Variants in B3GALNT2 observed in about 807,000 individuals in gnomAD.
B3GALNT2 encodes beta-1,3-N-acetylgalactosaminyltransferase 2, also known as UDP-GalNAc:beta-1,3-N-acetylgalactosaminyltransferase 2.
A neutral mutation model predicts 61.1 loss-of-function variants in B3GALNT2; 53 were observed. That is an observed-to-expected ratio of 0.87 (90% confidence interval 0.70 to 1.09). The LOEUF is 1.09. Among genes scored for constraint, B3GALNT2 ranks in the 50% least tolerant of loss-of-function variants. B3GALNT2 has a pLI of 0.00. For synonymous variants in B3GALNT2, 223 were observed against 237.4 expected (o/e 0.94, Z 0.56); for missense variants, 544 against 623.0 (o/e 0.87, Z 1.35).
intron 3 of B3GALNT2, among the ~76,000 whole-genome samples, chr1:235,486,320 GACA>G (rs1360530348): frequency 6.6e-6 from 1 of 152,078 alleles, no homozygotes; most frequent in Non-Finnish European, 1.5e-5. Context: ...CAACATAATG[GACA>G]ACAATACAAT....
At chr1:235,465,749 A>C in intron 6 of B3GALNT2, 35 bp from the exon 7 acceptor site, 6 of 1,601,828 alleles carry the variant, frequency 3.7e-6, no homozygotes, top group Non-Finnish European at 5.1e-6. Flanking sequence ...GTGATTCATT[A>C]CTAAAAATAC....
downstream of B3GALNT2, among the ~76,000 whole-genome samples, chr1:235,446,410 C>A (rs1682300573): frequency 6.6e-6 from 1 of 152,044 alleles, no homozygotes; most frequent in South Asian, 2.1e-4. Context: ...CTCCTGACCT[C>A]AGATGATCCG....
intron 7 of B3GALNT2, among the ~76,000 whole-genome samples, chr1:235,461,525 T>G (rs1478573856): frequency 1.4e-5 from 2 of 140,398 alleles, no homozygotes; most frequent in Admixed American, 7.2e-5. Context: ...TTTTTTTTTT[T>G]TTTTTTTTTG....
rs1682616471 is a variant in B3GALNT2 at position 235,448,415 on chromosome 1, TTC to T, written c.*1789_*1790del. 1 of 1,614,010 alleles carries T rather than the reference TTC, an allele frequency of 6.2e-7. No individual in the cohort carries two copies. ...CTTCTCAAAGTTCCTGTGTCAGACC[TTC>T]TGTTGTCCTATGAAAGTCCCAAAGT... is the stretch of plus-strand genomic sequence containing the variant. On this transcript the variant is annotated 3_prime_UTR_variant, in exon 12 of 12. Coordinates refer to ENST00000366600, the MANE Select transcript of B3GALNT2 (RefSeq NM_152490.5).
At chr1:235,495,550 A>C (rs369728) in intron 1 of B3GALNT2, among the ~76,000 whole-genome samples, 1 of 151,592 alleles carries the variant, frequency 6.6e-6, no homozygotes, top group Admixed American at 6.6e-5. Flanking sequence ...AAAAAAAAAA[A>C]AATAATAATA....
chr1:235,502,653 T>C (rs1685634657), intron 1 of B3GALNT2, among the ~76,000 whole-genome samples: 2 of 152,190 alleles, frequency 1.3e-5, no homozygotes, highest in African/African-American at 2.4e-5. Context: ...TGTCTCAAAC[T>C]AGAAAACTGC....
At chr1:235,482,607 C>CAA (rs58814316) in intron 4 of B3GALNT2, among the ~76,000 whole-genome samples, 6 of 139,658 alleles carry the variant, frequency 4.3e-5, no homozygotes, top group African/African-American at 1.3e-4. Context: ...CCTGCTAAAA[C>CAA]AAAAAAAAAA....
At chr1:235,467,039 T>C (rs899672613) in intron 6 of B3GALNT2, among the ~76,000 whole-genome samples, 1 of 152,172 alleles carries the variant, frequency 6.6e-6, no homozygotes, top group Non-Finnish European at 1.5e-5. Context: ...CTGTAGTAAC[T>C]TGTCATTTAA....
intron 7 of B3GALNT2, 145 bp from the exon 8 acceptor site, chr1:235,458,931 A>T: frequency 1.4e-6 from 1 of 699,390 alleles, no homozygotes. Context: ...AAAAATGGGA[A>T]CTCTCATACA....
intron 5 of B3GALNT2, among the ~76,000 whole-genome samples, chr1:235,474,501 A>G (rs1684145357): frequency 6.6e-6 from 1 of 152,120 alleles, no homozygotes; most frequent in Non-Finnish European, 1.5e-5. Flanking sequence ...ATGACTATAT[A>G]TAAAGAATTT....
chr1:235,503,943 G>A (rs1034342263), intron 1 of B3GALNT2, among the ~76,000 whole-genome samples, 198 bp downstream of exon 1: 27 of 152,210 alleles, frequency 1.8e-4, no homozygotes, highest in Non-Finnish European at 8.8e-5. Flanking sequence ...AAGAGGCGGG[G>A]ACACGAAAAG....
At chr1:235,460,454 T>TAA (rs35687101) in intron 7 of B3GALNT2, among the ~76,000 whole-genome samples, 7 of 136,584 alleles carry the variant, frequency 5.1e-5, no homozygotes, top group East Asian at 2.1e-4. Flanking sequence ...ATGTTTTATT[T>TAA]AAAAAAAAAA....
At chr1:235,465,485 A>T in intron 7 of B3GALNT2, 151 bp downstream of exon 7, 1 of 1,203,462 alleles carries the variant, frequency 8.3e-7, no homozygotes, top group Non-Finnish European at 1.1e-6. Flanking sequence ...CTCTAAGAAT[A>T]CACTAAAACC....
chr1:235,499,348 T>G (rs1685483571), intron 1 of B3GALNT2, among the ~76,000 whole-genome samples: 1 of 152,212 alleles, frequency 6.6e-6, no homozygotes, highest in Non-Finnish European at 1.5e-5. Flanking sequence ...GATAGTTTTC[T>G]TTTTTTAAAT....
chr1:235,455,084 A>G (rs752918508), intron 9 of B3GALNT2, among the ~76,000 whole-genome samples: 2 of 152,140 alleles, frequency 1.3e-5, no homozygotes, highest in African/African-American at 4.8e-5. Context: ...GAGGCTTTTC[A>G]TTTAAAAAAT....
At position 235,447,325 on chromosome 1, in the gene B3GALNT2, A is replaced by G. The variant is rs1682424393; in HGVS notation, c.*2881T>C. The stretch of plus-strand genomic sequence containing the variant: ...TGTTTGAATACACTGTGATATTTGT[A>G]GGAACACCACACTATTGCTGTATCT... On this transcript the variant is annotated 3_prime_UTR_variant, in exon 12 of 12. Transcript: ENST00000366600. Among the ~76,000 whole-genome samples, 1 of 152,236 alleles carries G rather than the reference A, an allele frequency of 6.6e-6. No homozygotes were observed. The highest frequency in any genetic ancestry group is 2.1e-4 in the South Asian group (1 of 4,834).
intron 1 of B3GALNT2, among the ~76,000 whole-genome samples, chr1:235,497,242 TCA>T (rs1181720781): frequency 6.6e-6 from 1 of 152,178 alleles, no homozygotes; most frequent in Non-Finnish European, 1.5e-5. Flanking sequence ...CCCACCTTTT[TCA>T]CAGAGAAATA....
At chr1:235,456,685 C>T (rs569862906) in intron 8 of B3GALNT2, among the ~76,000 whole-genome samples, 19 of 152,140 alleles carry the variant, frequency 1.2e-4, no homozygotes, top group Non-Finnish European at 2.5e-4. Context: ...GTTACTGCAG[C>T]GATCCAGGGA....
At chr1:235,470,816 A>C in intron 6 of B3GALNT2, 34 bp downstream of exon 6, 1 of 1,599,844 alleles carries the variant, frequency 6.3e-7, no homozygotes. Context: ...AGAAGCTAAA[A>C]TATGCAATTA....
Sources: allele counts gnomAD v4.1 joint callset (sites outside exome capture counted in the v4.1 genomes callset), GRCh38; gene constraint gnomAD v4.1.1; transcripts MANE v1.5; gene names NCBI Gene and HGNC (gene_info 2026-07-23, HGNC 2026-07-21).